The following TMEM184A variants were observed in gnomAD, a reference collection of about 807,000 sequenced individuals.
The protein encoded by TMEM184A is transmembrane protein 184A, also known as sexually dimorphic, expressed in male gonads 1.
Under a neutral mutation model 39.5 loss-of-function variants are expected in TMEM184A, and 40 were observed. The ratio of observed to expected loss-of-function variants is 1.01; its 90% CI spans 0.79 to 1.32. The LOEUF (loss-of-function observed/expected upper bound fraction) is 1.32. TMEM184A is among the 40% of genes most tolerant of loss of function. The pLI is 0.00. For missense variants in TMEM184A, 603 were observed against 568.8 expected (o/e 1.06, Z -0.61); for synonymous variants, 280 against 252.3 (o/e 1.11, Z -1.04).
At chr7:1,549,297 G>T (rs1308359018) in intron 6 of TMEM184A, 2 of 294,404 alleles carry the variant, frequency 6.8e-6, no homozygotes, top group Non-Finnish European at 1.3e-5. Flanking sequence ...CATCTGTGTG[G>T]TGTTGGTGAG....
At position 1,542,445 on chromosome 7, in the gene TMEM184A, A is replaced by C. The variant is rs1028991082; in HGVS notation, c.*4507T>G. ...AGCTGGGCCCCGCAGGACAGGCCGC[A>C]GCGGGTGGCCGGTTCTGTCCCGTCT... On this transcript the variant is annotated 3_prime_UTR_variant, in exon 9 of 9. Transcript: ENST00000297477. The C allele has an allele frequency of 1.3e-5, 2 of 152,120 alleles. No individual in the cohort carries two copies. Among genetic ancestry groups the C allele is most frequent in the Non-Finnish European group, 2.9e-5 (2 of 67,988 alleles). The allele number at this position is 152,120 out of a possible 1,614,324, so 9.4% of individuals were successfully genotyped here. A position where few individuals can be genotyped will look rare whatever the true frequency, so the allele number is the denominator to read the frequency against.
chr7:1,550,108 TG>T lies in TMEM184A; in HGVS notation c.552+14del. ...TGGGTGGGAGGAGGGCGGGCAGGGC[TG>T]GGTGGCCCCTCACCTGCTTACAGAA... On this transcript the variant is annotated intron_variant, in intron 5 of 8. Transcript: ENST00000297477. 6.9e-7 allele frequency: 1 copy of T among 1,454,748 alleles called. No homozygotes were observed. Among genetic ancestry groups the T allele is most frequent in the Non-Finnish European group, 9.2e-7 (1 of 1,082,226 alleles). 90.1% of individuals were successfully genotyped at this position (1,454,748 alleles called of 1,614,324 possible).
chr7:1,553,993 A>G (rs911575836), intron 2 of TMEM184A, among the ~76,000 whole-genome samples: 3 of 152,130 alleles, frequency 2.0e-5, no homozygotes, highest in Non-Finnish European at 2.9e-5. Flanking sequence ...GCCGGTTCCC[A>G]GGATTACAGC....
Position 1,555,619 on chromosome 7 carries a change from C to T in TMEM184A, c.1-135G>A. ...TGAGCCACCCACCAGGCCGCACCCC[C>T]CACACGGACACCAGCGCCAGGCCCG... On this transcript the variant is annotated intron_variant, in intron 1 of 8. Transcript: ENST00000297477. This position sits in a 1 kb window ranked among gnomAD's most constrained non-coding sequence, Gnocchi z 5.2. 1.4e-6 allele frequency: 1 copy of T among 711,342 alleles called. No individual in the cohort carries two copies. The highest frequency in any genetic ancestry group is 2.3e-5 in the Admixed American group (1 of 44,250). The allele number at this position is 711,342 out of a possible 1,614,324, so 44.1% of individuals were successfully genotyped here. A position where few individuals can be genotyped will look rare whatever the true frequency, so the allele number is the denominator to read the frequency against.
At chr7:1,554,033 T>G (rs372458763) in intron 2 of TMEM184A, among the ~76,000 whole-genome samples, 12 of 152,136 alleles carry the variant, frequency 7.9e-5, no homozygotes, top group African/African-American at 2.4e-4. Context: ...GGAAGCCCTC[T>G]CTGATGGCCT....
Position 1,555,255 on chromosome 7 carries a change from G to T in TMEM184A, c.219+11C>A. The T allele has an allele frequency of 6.3e-7, 1 of 1,594,186 alleles. No individual in the cohort carries two copies. The highest frequency in any genetic ancestry group is 8.5e-7 in the Non-Finnish European group (1 of 1,170,818). On this transcript the variant is annotated intron_variant, in intron 2 of 8. Transcript: ENST00000297477. This position sits in a 1 kb window ranked among gnomAD's most constrained non-coding sequence, Gnocchi z 5.2. ...AGGTCCTGAAGGAGGCTCGGGGGCG[G>T]AAGGGCTTACCTGGTGGCAGGTGAG...
chr7:1,548,683 C>G lies in TMEM184A; in HGVS notation c.650G>C (p.Arg217Pro), dbSNP rs201155082. The G allele has an allele frequency of 6.2e-7, 1 of 1,613,382 alleles. No individual in the cohort carries two copies. The change falls in exon 7 of 9, where the codon CGC (arginine) becomes CCC (proline). Residue 217 changes from arginine to proline, a missense_variant. Coordinates refer to ENST00000297477, the MANE Select transcript of TMEM184A (RefSeq NM_001097620.2). ...GAGGGTCACATAGAGGTAGCCGCTG[C>G]GGACACTAGGACAGACGGGGGCTGT... ...GKYHDGDFNV[R>P]SGYLYVTLIY...
In TMEM184A at chr7:1,544,116, C is replaced by A. The variant is rs1784268505; in HGVS notation, c.*2836G>T. On this transcript the variant is annotated 3_prime_UTR_variant, in exon 9 of 9. Coordinates refer to ENST00000297477, the MANE Select transcript of TMEM184A (RefSeq NM_001097620.2). The stretch of plus-strand genomic sequence containing the variant: ...CTAGCAATGGCAGGGATGGCACTTT[C>A]CCCAGCTAAGTCAGACCTCCCTGCA... 1.3e-5 allele frequency: 2 copies of A among 152,288 alleles called. No homozygotes were observed. Among genetic ancestry groups the A allele is most frequent in the South Asian group, 4.1e-4 (2 of 4,836 alleles). The allele number at this position is 152,288 out of a possible 1,614,324, so 9.4% of individuals were successfully genotyped here.
chr7:1,549,166 GTACA>G (rs752029687), intron 6 of TMEM184A: 47 of 459,214 alleles, frequency 1.0e-4, no homozygotes, highest in African/African-American at 4.0e-4. Context: ...GCATGTGAGT[GTACA>G]TACATGTGTG....
At chr7:1,554,668 G>A (rs1490318254) in intron 2 of TMEM184A, among the ~76,000 whole-genome samples, 3 of 152,200 alleles carry the variant, frequency 2.0e-5, no homozygotes, top group Admixed American at 1.3e-4. Flanking sequence ...TTGCCACAGC[G>A]CCTGGCCGCT....
At chr7:1,549,158 A>G (rs1319498707) in intron 6 of TMEM184A, 2 of 460,028 alleles carry the variant, frequency 4.3e-6, no homozygotes, top group African/African-American at 2.0e-5. Flanking sequence ...TATTGCGTGC[A>G]TGTGAGTGTA....
chr7:1,551,010 C>T, intron 2 of TMEM184A, 28 bp from the exon 3 acceptor site: 1 of 1,594,740 alleles, frequency 6.3e-7, no homozygotes, highest in Non-Finnish European at 8.5e-7. Context: ...CGCATGAGAG[C>T]CGGGCCCGCC....
intron 2 of TMEM184A, among the ~76,000 whole-genome samples, chr7:1,553,477 T>C (rs1376513240): frequency 6.6e-6 from 1 of 152,142 alleles, no homozygotes; most frequent in South Asian, 2.1e-4. Flanking sequence ...TCTGTGAGGA[T>C]ACAACTCAAC....
rs1784231470 is a variant in TMEM184A, at chr7:1,542,871, T to C, written c.*4081A>G. 6.6e-6 allele frequency: 1 copy of C among 152,654 alleles called. No homozygotes were observed. Among genetic ancestry groups the C allele is most frequent in the African/African-American group, 2.4e-5 (1 of 41,448 alleles). The allele number at this position is 152,654 out of a possible 1,614,324, so 9.5% of individuals were successfully genotyped here. On this transcript the variant is annotated 3_prime_UTR_variant, in exon 9 of 9. Coordinates refer to ENST00000297477, the MANE Select transcript of TMEM184A (RefSeq NM_001097620.2). ...GGCAGTTCCATTTCATTATTTATTT[T>C]TTGTGCTGCTTTTTATCATGATATA...
rs1784252185 is a variant in TMEM184A, at chr7:1,543,500, C to T, written c.*3452G>A. On this transcript the variant is annotated 3_prime_UTR_variant, in exon 9 of 9. Transcript: ENST00000297477. ...GCGCCCCTGCACAGTGGCCGGAAGC[C>T]CGTGGACTCCTCCGAAAAGCCACGG... 6.6e-6 allele frequency: 1 copy of T among 152,278 alleles called. No individual in the cohort carries two copies. Among genetic ancestry groups the T allele is most frequent in the African/African-American group, 2.4e-5 (1 of 41,468 alleles). 9.4% of individuals were successfully genotyped at this position (152,278 alleles called of 1,614,324 possible).
intron 3 of TMEM184A, 59 bp downstream of exon 3, chr7:1,550,758 C>G: frequency 6.3e-7 from 1 of 1,589,580 alleles, no homozygotes; most frequent in Middle Eastern, 1.8e-4. Context: ...TGTGCGTGCA[C>G]GCAGGCCCCG....
In TMEM184A at chr7:1,549,857, A is replaced by G. The variant is rs1315119912; in HGVS notation, c.641T>C (p.Phe214Ser). The change falls in exon 6 of 9, where the codon TTC (phenylalanine) becomes TCC (serine). Residue 214 changes from phenylalanine (F) to serine (S), a missense_variant. Transcript: ENST00000297477. Reference protein sequence around the residue: ...QAFGKYHDGDFNVRSGYLYVT... With the variant: ...QAFGKYHDGDSNVRSGYLYVT... The stretch of plus-strand genomic sequence containing the variant: ...GTCCCCGCAGCTCCCGCCTTACTTG[A>G]AGTCCCCGTCGTGGTATTTGCCAAA... 2 of 1,602,218 alleles carry G rather than the reference A, an allele frequency of 1.2e-6. No homozygotes were observed. Among genetic ancestry groups the G allele is most frequent in the Middle Eastern group, 1.7e-4 (1 of 6,002 alleles).
intron 7 of TMEM184A, 69 bp from the exon 8 acceptor site, chr7:1,548,008 C>G (rs1377801162): frequency 9.4e-6 from 14 of 1,490,012 alleles, no homozygotes; most frequent in Non-Finnish European, 9.0e-6. Flanking sequence ...GGCCCCAGAC[C>G]CCGCAGCGGC....
rs1583227396 is a variant in TMEM184A, at chr7:1,555,368, C to T, written c.117G>A (p.Gly39=). Residue 39 remains glycine, a synonymous_variant, in exon 2 of 9, where the codon GGG becomes GGA. Coordinates refer to ENST00000297477, the MANE Select transcript of TMEM184A (RefSeq NM_001097620.2). This position sits in a 1 kb window ranked among gnomAD's most constrained non-coding sequence, Gnocchi z 5.2. The part of the protein sequence containing the change: ...VPAGPQMDHM[G]NSSQGAPWLF... ...GCCAGGGGGCCCCCTGGGAGCTGTT[C>T]CCCATGTGGTCCATCTGCGGCCCAG... is the stretch of plus-strand genomic sequence containing the variant. 1 of 1,611,536 alleles carries T rather than the reference C, an allele frequency of 6.2e-7. No homozygotes were observed. Among genetic ancestry groups the T allele is most frequent in the African/African-American group, 1.3e-5 (1 of 74,948 alleles).
Sources: allele counts gnomAD v4.1 joint callset (sites outside exome capture counted in the v4.1 genomes callset), GRCh38; gene constraint gnomAD v4.1.1; non-coding constraint Gnocchi (gnomAD v3.1); transcripts MANE v1.5; gene names NCBI Gene and HGNC (gene_info 2026-07-23, HGNC 2026-07-21).